Variants in NCKAP5 observed in about 807,000 individuals in gnomAD.
The protein encoded by NCKAP5 is NCK associated protein 5.
A neutral mutation model predicts 167.0 loss-of-function variants in NCKAP5; 92 were observed. The ratio of observed to expected loss-of-function variants is 0.55; its 90% CI spans 0.47 to 0.66. The LOEUF (loss-of-function observed/expected upper bound fraction) is 0.66. Ranked by LOEUF, NCKAP5 falls within the 30% of genes least tolerant of loss-of-function variation. The pLI is 0.00. For synonymous variants in NCKAP5, 891 were observed against 877.4 expected, an observed-to-expected ratio of 1.02 and a Z score of -0.27; for missense variants, 2,378 against 2,315.0, an observed-to-expected ratio of 1.03 and a Z score of -0.56.
At chr2:133,064,460 C>A (rs2080120094) in intron 6 of NCKAP5, among the ~76,000 whole-genome samples, 1 of 150,798 alleles carries the variant, frequency 6.6e-6, no homozygotes. Flanking sequence ...TTCCTCTAAG[C>A]AGATAATGCC....
chr2:133,133,007 G>T (rs375984669), intron 5 of NCKAP5, among the ~76,000 whole-genome samples: 167 of 152,108 alleles, frequency 1.1e-3, no homozygotes, highest in Non-Finnish European at 1.9e-3. Flanking sequence ...GCTACACATA[G>T]AAAAAATATA....
chr2:133,132,301 G>T (rs1396398572), intron 5 of NCKAP5, among the ~76,000 whole-genome samples: 1 of 137,300 alleles, frequency 7.3e-6, no homozygotes, highest in East Asian at 2.3e-4. Context: ...AAAAAAAAAA[G>T]AATGTAAAGT....
At chr2:133,623,544 GA>G in the NCKAP5 span, among the ~76,000 whole-genome samples, 1 of 151,628 alleles carries the variant, frequency 6.6e-6, no homozygotes, top group East Asian at 1.9e-4. Context: ...CAAGCATATG[GA>G]AAAATGTTCA....
intron 3 of NCKAP5, among the ~76,000 whole-genome samples, chr2:133,509,478 C>A (rs189273260): frequency 1.5e-3 from 225 of 152,314 alleles, no homozygotes; most frequent in Middle Eastern, 3.4e-3. Context: ...CCCCCTTTAT[C>A]CCATATTCAG....
At chr2:132,681,397 T>G (rs1558912359) in intron 19 of NCKAP5, among the ~76,000 whole-genome samples, 1 of 152,040 alleles carries the variant, frequency 6.6e-6, no homozygotes, top group Non-Finnish European at 1.5e-5. Flanking sequence ...TAAATATGTC[T>G]TAAAGCCTGT....
the NCKAP5 span, among the ~76,000 whole-genome samples, chr2:133,648,241 A>G: frequency 6.6e-6 from 1 of 151,796 alleles, no homozygotes; most frequent in African/African-American, 2.4e-5. Context: ...TCTATCTCAC[A>G]TCAGATTAGC....
rs151181069 is a variant in NCKAP5, at chr2:133,138,261, G to A, written c.208-8150C>T. Among the ~76,000 whole-genome samples the A allele has an allele frequency of 5.9e-4, 90 of 152,258 alleles. No homozygotes were observed. In the East Asian group the frequency reaches 0.015, roughly 26 times the overall value. On this transcript the variant is annotated intron_variant, in intron 5 of 19. Transcript: ENST00000409261. ...ATCATATCCCACAAAGGTCTGGCAC[G>A]TGGAGATTGATATGCACTATAAAGT...
intron 5 of NCKAP5, among the ~76,000 whole-genome samples, chr2:133,203,767 G>A (rs2085816850): frequency 6.6e-6 from 1 of 152,126 alleles, no homozygotes; most frequent in African/African-American, 2.4e-5. Context: ...CGATCTTTGG[G>A]AATGGTATTT....
In NCKAP5 at chr2:133,349,468, C is replaced by G. The variant is rs149525340; in HGVS notation, c.70-46358G>C. Among the ~76,000 whole-genome samples the G allele has an allele frequency of 2.2e-3, 330 of 152,334 alleles. 1 individual carries two copies. The highest frequency in any genetic ancestry group is 7.7e-3 in the African/African-American group (319 of 41,576). Reference sequence around the variant, plus strand: ...AAGTTTGCAGTCTTCCTTGAATTCCCCCAGCACTGTCTTCCTCGACGGCAC... The same window carrying G: ...AAGTTTGCAGTCTTCCTTGAATTCCGCCAGCACTGTCTTCCTCGACGGCAC... On this transcript the variant is annotated intron_variant, in intron 3 of 19. Coordinates refer to ENST00000409261, the MANE Select transcript of NCKAP5 (RefSeq NM_207363.3).
chr2:133,455,643 C>T (rs927518699), intron 3 of NCKAP5, among the ~76,000 whole-genome samples: 5 of 152,212 alleles, frequency 3.3e-5, no homozygotes, highest in African/African-American at 7.2e-5. Flanking sequence ...TATCCAAATG[C>T]TCTCCCCATC....
chr2:133,462,394 T>C (rs940357086), intron 3 of NCKAP5, among the ~76,000 whole-genome samples: 2 of 152,244 alleles, frequency 1.3e-5, no homozygotes, highest in African/African-American at 4.8e-5. Context: ...TTCCTTGTTT[T>C]TGTGCCGGCT....
chr2:132,935,953 T>A (rs1427508846), intron 8 of NCKAP5, among the ~76,000 whole-genome samples: 2 of 151,932 alleles, frequency 1.3e-5, no homozygotes, highest in Non-Finnish European at 2.9e-5. Context: ...GCAAAAGAGT[T>A]AAACTACCTT....
Position 133,493,808 on chromosome 2 carries a change from A to G in NCKAP5, c.69+23650T>C, listed in dbSNP as rs567850602. 9.8e-5 allele frequency among the ~76,000 whole-genome samples: 15 copies of G among 152,346 alleles called. No individual in the cohort carries two copies. The South Asian group carries it at 2.9e-3, about 29-fold the overall frequency. On this transcript the variant is annotated intron_variant, in intron 3 of 19. Transcript: ENST00000409261. ...GGGCAATGCCATCTCAAGAAAGAAG[A>G]GTGAGCAGGCTGGTTAAATGATGTG...
intron 2 of NCKAP5, among the ~76,000 whole-genome samples, 152 bp from the exon 3 acceptor site, chr2:133,517,739 C>G (rs1005506840): frequency 1.3e-5 from 2 of 152,188 alleles, no homozygotes; most frequent in African/African-American, 4.8e-5. Flanking sequence ...CAAAAGACCA[C>G]TCCGTGTTAC....
In NCKAP5 at chr2:133,100,889, A is replaced by T. The variant is rs116399886; in HGVS notation, c.341+29089T>A. Among the ~76,000 whole-genome samples the T allele has an allele frequency of 1.6e-3, 248 of 152,324 alleles. 1 individual carries two copies. Among genetic ancestry groups the T allele is most frequent in the Middle Eastern group, 6.8e-3 (2 of 294 alleles). ...TTCTTAAAATATTTTTACTATATGC[A>T]GAAGCTCTTTAGTTTAATTAGATCC... is the stretch of plus-strand genomic sequence containing the variant. On this transcript the variant is annotated intron_variant, in intron 6 of 19. Coordinates refer to ENST00000409261, the MANE Select transcript of NCKAP5 (RefSeq NM_207363.3).
the NCKAP5 span, among the ~76,000 whole-genome samples, chr2:133,605,389 GA>G: frequency 6.6e-6 from 1 of 152,138 alleles, no homozygotes; most frequent in African/African-American, 2.4e-5. Context: ...ATTCAATCCT[GA>G]AGTGATTCTG....
intron 6 of NCKAP5, among the ~76,000 whole-genome samples, chr2:132,997,060 C>T (rs1220447181): frequency 6.6e-6 from 1 of 152,226 alleles, no homozygotes; most frequent in African/African-American, 2.4e-5. Flanking sequence ...TTACTAAGGG[C>T]TTCTCGTATG....
At chr2:133,185,991 T>C (rs1401667612) in intron 5 of NCKAP5, among the ~76,000 whole-genome samples, 2 of 152,064 alleles carry the variant, frequency 1.3e-5, no homozygotes, top group Non-Finnish European at 2.9e-5. Context: ...GGACTTCCAG[T>C]CCTATATTGA....
intron 15 of NCKAP5, among the ~76,000 whole-genome samples, chr2:132,778,618 T>G (rs2104996463): frequency 6.6e-6 from 1 of 152,314 alleles, no homozygotes; most frequent in African/African-American, 2.4e-5. Flanking sequence ...GTGCATTGCA[T>G]ATATACATTG....
Sources: gnomAD v4.1 joint callset for allele counts (sites outside exome capture counted in the v4.1 genomes callset) on GRCh38, gnomAD v4.1.1 for gene constraint, MANE v1.5 for transcripts, NCBI Gene and HGNC (gene_info 2026-07-23, HGNC 2026-07-21) for gene names.